Variants in TSC22D2 observed in about 807,000 individuals in gnomAD.
TSC22D2 encodes the protein TSC22 domain family protein 2.
TSC22D2 carries 5 observed loss-of-function variants against 50.1 expected under a neutral mutation model. The ratio of observed to expected loss-of-function variants is 0.10; its 90% CI spans 0.05 to 0.21. The LOEUF (loss-of-function observed/expected upper bound fraction) is 0.21, where lower values mean the gene tolerates loss of function less well. Among genes scored for constraint, TSC22D2 ranks in the 10% least tolerant of loss-of-function variants. The probability of loss-of-function intolerance (pLI) is 1.00; values close to 1 mark genes in which losing one functional copy is unlikely to be tolerated. For missense variants in TSC22D2, 1,003 were observed against 1,015.5 expected (o/e 0.99, Z 0.17); for synonymous variants, 501 against 450.1 (o/e 1.11, Z -1.43).
rs1721546481 is a variant in TSC22D2, at chr3:150,466,405, A to G, written c.*7769A>G. ...TGTTTGTGTAATGACAAATTAATAAATTAGAAATAAAATAAAATAATGTGT... is the reference window on the plus strand; with the variant it reads ...TGTTTGTGTAATGACAAATTAATAAGTTAGAAATAAAATAAAATAATGTGT... On this transcript the variant is annotated 3_prime_UTR_variant, in exon 3 of 3. Coordinates refer to ENST00000688009, the MANE Select transcript of TSC22D2 (RefSeq NM_001303264.2). The G allele has an allele frequency of 6.6e-6, 1 of 152,208 alleles. No homozygotes were observed. Among genetic ancestry groups the G allele is most frequent in the African/African-American group, 2.4e-5 (1 of 41,446 alleles). 9.4% of individuals were successfully genotyped at this position (152,208 alleles called of 1,614,324 possible). A position where few individuals can be genotyped will look rare whatever the true frequency, so the allele number is the denominator to read the frequency against.
rs1721487794 is a variant in TSC22D2 at position 150,463,970 on chromosome 3, G to A, written c.*5334G>A. On this transcript the variant is annotated 3_prime_UTR_variant, in exon 3 of 3. Transcript: ENST00000688009. ...CATTGTCTACTGTCATGGGTCCATAGTATTTAAGTTTACAGACTACAACAT... is the reference window on the plus strand; with the variant it reads ...CATTGTCTACTGTCATGGGTCCATAATATTTAAGTTTACAGACTACAACAT... The A allele has an allele frequency of 6.6e-6, 1 of 152,114 alleles. No homozygotes were observed. The highest frequency in any genetic ancestry group is 6.6e-5 in the Admixed American group (1 of 15,256). The allele number at this position is 152,114 out of a possible 1,614,324, so 9.4% of individuals were successfully genotyped here.
At chr3:150,444,790 G>C (rs182229733) in intron 1 of TSC22D2, among the ~76,000 whole-genome samples, 7 of 152,190 alleles carry the variant, frequency 4.6e-5, no homozygotes, top group Non-Finnish European at 8.8e-5. Flanking sequence ...GTGCCTACTT[G>C]AGTGCAGTTT....
rs1344851427 is a variant in TSC22D2 at position 150,463,528 on chromosome 3, TAC to T, written c.*4893_*4894del. 6.6e-6 allele frequency: 1 copy of T among 152,240 alleles called. No homozygotes were observed. Among genetic ancestry groups the T allele is most frequent in the African/African-American group, 2.4e-5 (1 of 41,456 alleles). 9.4% of individuals were successfully genotyped at this position (152,240 alleles called of 1,614,324 possible). On this transcript the variant is annotated 3_prime_UTR_variant, in exon 3 of 3. Transcript: ENST00000688009. ...GATACATCTTTGTCCTGTATTTCTG[TAC>T]CAGTTCACAGAATTTCTACAGCAAG...
At chr3:150,435,677 C>A (rs1720516078) in intron 1 of TSC22D2, among the ~76,000 whole-genome samples, 1 of 152,108 alleles carries the variant, frequency 6.6e-6, no homozygotes, top group Non-Finnish European at 1.5e-5. Flanking sequence ...TAAGCACATT[C>A]ATTAAAAAAC....
At chr3:150,448,362 C>T (rs934414833) in intron 1 of TSC22D2, among the ~76,000 whole-genome samples, 5 of 151,884 alleles carry the variant, frequency 3.3e-5, no homozygotes, top group African/African-American at 7.3e-5. Flanking sequence ...CCTGTAGTTC[C>T]AGCTGCTTGG....
chr3:150,412,029 T>A (rs969806082), intron 1 of TSC22D2, among the ~76,000 whole-genome samples: 2 of 152,176 alleles, frequency 1.3e-5, no homozygotes, highest in African/African-American at 4.8e-5. Context: ...AAGCTATAGT[T>A]CTTGAAATTA....
chr3:150,432,251 C>T (rs1035020472), intron 1 of TSC22D2, among the ~76,000 whole-genome samples: 20 of 152,122 alleles, frequency 1.3e-4, no homozygotes, highest in African/African-American at 4.8e-4. Flanking sequence ...CATATGTTTA[C>T]CACCTTCCTC....
At chr3:150,429,425 G>A (rs1720307457) in intron 1 of TSC22D2, among the ~76,000 whole-genome samples, 1 of 152,078 alleles carries the variant, frequency 6.6e-6, no homozygotes, top group Admixed American at 6.5e-5. Flanking sequence ...AGAATTTAAG[G>A]TTAACTTCAT....
intron 1 of TSC22D2, among the ~76,000 whole-genome samples, chr3:150,441,533 G>A (rs1720717524): frequency 6.6e-6 from 1 of 152,110 alleles, no homozygotes; most frequent in Admixed American, 6.6e-5. Flanking sequence ...GCTGAGGTGG[G>A]CAGATGACTT....
chr3:150,446,960 C>A (rs868845895), intron 1 of TSC22D2, among the ~76,000 whole-genome samples: 1 of 152,078 alleles, frequency 6.6e-6, no homozygotes, highest in Non-Finnish European at 1.5e-5. Flanking sequence ...GCTATTTTAA[C>A]TAACATTTCT....
In TSC22D2 at chr3:150,459,572, G is replaced by GTTTTTTTTTTTTTTTTTTTTTTT. The variant is rs11330414; in HGVS notation, c.*949_*950insTTTTTTTTTTTTTTTTTTTTTTT. On this transcript the variant is annotated 3_prime_UTR_variant, in exon 3 of 3. Transcript: ENST00000688009. ...TAATGGAGTTTGGTTTTTTTTTGTTGTTTTTTTTTTTTTGTCTTTTTTTTT... is the reference window on the plus strand; with the variant it reads ...TAATGGAGTTTGGTTTTTTTTTGTTGTTTTTTTTTTTTTTTTTTTTTTTTTTTTTTTTTTTTGTCTTTTTTTTT... The GTTTTTTTTTTTTTTTTTTTTTTT allele has an allele frequency of 2.6e-5, 3 of 115,554 alleles. No homozygotes were observed. The highest frequency in any genetic ancestry group is 3.3e-5 in the African/African-American group (1 of 30,666). The allele number at this position is 115,554 out of a possible 1,614,324, so 7.2% of individuals were successfully genotyped here.
intron 1 of TSC22D2, among the ~76,000 whole-genome samples, chr3:150,417,567 G>T (rs1361600228): frequency 3.9e-5 from 6 of 152,096 alleles, no homozygotes; most frequent in Admixed American, 3.9e-4. Context: ...ATTTGACTTT[G>T]AGCTAGTTGG....
intron 1 of TSC22D2, among the ~76,000 whole-genome samples, chr3:150,454,219 T>C (rs572759124): frequency 1.3e-5 from 2 of 152,258 alleles, no homozygotes; most frequent in South Asian, 4.1e-4. Context: ...AGGTCTAAGA[T>C]AGCCAGATGA....
chr3:150,419,309 G>A (rs1198756107), intron 1 of TSC22D2, among the ~76,000 whole-genome samples: 5 of 152,038 alleles, frequency 3.3e-5, no homozygotes, highest in African/African-American at 9.7e-5. Flanking sequence ...AATATTCCCA[G>A]AGTTAGAAGT....
chr3:150,409,534 G>T lies in TSC22D2; in HGVS notation c.184G>T (p.Val62Phe). The part of the protein sequence containing the change: ...SRATDYGPEE[V>F]CERSSSEETL... Reference sequence around the variant, plus strand: ...GGCCACGGATTATGGCCCTGAGGAGGTCTGCGAGCGCAGCTCTTCCGAAGA... The same window carrying T: ...GGCCACGGATTATGGCCCTGAGGAGTTCTGCGAGCGCAGCTCTTCCGAAGA... The change falls in exon 1 of 3, where the codon GTC (valine) becomes TTC (phenylalanine). Residue 62 changes from valine to phenylalanine, a missense_variant. This residue lies in a region of TSC22D2 where 200 missense variants were observed against 182.8 expected (regional missense o/e 1.09). Transcript: ENST00000688009. This position sits in a 1 kb window ranked among gnomAD's most constrained non-coding sequence, Gnocchi z 7.4. 1 of 1,607,334 alleles carries T rather than the reference G, an allele frequency of 6.2e-7. No homozygotes were observed. Among genetic ancestry groups the T allele is most frequent in the Non-Finnish European group, 8.5e-7 (1 of 1,174,796 alleles).
intron 1 of TSC22D2, among the ~76,000 whole-genome samples, chr3:150,434,936 T>A (rs570562150): frequency 6.6e-6 from 1 of 152,238 alleles, no homozygotes; most frequent in South Asian, 2.1e-4. Context: ...ATATGAAGTT[T>A]CTTGTCATTG....
At chr3:150,457,179 ACACTTAGCTT>A (rs1038534078) in intron 2 of TSC22D2, 52 bp downstream of exon 2, 3 of 1,507,348 alleles carry the variant, frequency 2.0e-6, no homozygotes, top group African/African-American at 1.4e-5. Flanking sequence ...GTTGTATGGA[ACACTTAGCTT>A]TTGTCAGTTT....
In TSC22D2 at chr3:150,410,702, C is replaced by T. The variant is rs1576538986; in HGVS notation, c.1352C>T (p.Pro451Leu). 1 of 1,575,160 alleles carries T rather than the reference C, an allele frequency of 6.3e-7. No homozygotes were observed. Among genetic ancestry groups the T allele is most frequent in the Non-Finnish European group, 8.6e-7 (1 of 1,161,970 alleles). The change falls in exon 1 of 3, where the codon CCT becomes CTT. Residue 451 changes from proline (P) to leucine (L), a missense_variant. Pro to Leu is a moderately conservative substitution (Grantham distance 98). Coordinates refer to ENST00000688009, the MANE Select transcript of TSC22D2 (RefSeq NM_001303264.2). Reference sequence around the variant, plus strand: ...CCAGCGCAAGGCGGGCAGGTCGCGCCTTGTCAGCCGACTGGAGTGCCCCCG... The same window carrying T: ...CCAGCGCAAGGCGGGCAGGTCGCGCTTTGTCAGCCGACTGGAGTGCCCCCG... The part of the protein sequence containing the change: ...TGPAQGGQVA[P>L]CQPTGVPPAT...
At position 150,458,588 on chromosome 3, in the gene TSC22D2, T is replaced by A. The variant is rs1396222972; in HGVS notation, c.2223T>A (p.Pro741=). 1 of 1,614,084 alleles carries A rather than the reference T, an allele frequency of 6.2e-7. No individual in the cohort carries two copies. The highest frequency in any genetic ancestry group is 1.1e-5 in the South Asian group (1 of 91,084). ...TSQQQAVIAQ[P]PQPTQPPQQP... ...AACAGCAAGCAGTGATAGCACAGCC[T>A]CCGCAGCCAACGCAACCTCCACAGC... is the stretch of plus-strand genomic sequence containing the variant. The change falls in exon 3 of 3, where the codon CCT becomes CCA. Residue 741 remains proline, a synonymous_variant. Coordinates refer to ENST00000688009, the MANE Select transcript of TSC22D2 (RefSeq NM_001303264.2).
Sources: allele counts gnomAD v4.1 joint callset (sites outside exome capture counted in the v4.1 genomes callset), GRCh38; gene constraint gnomAD v4.1.1; regional missense constraint gnomAD v4.1.1; non-coding constraint Gnocchi (gnomAD v3.1); transcripts MANE v1.5; gene names NCBI Gene and HGNC (gene_info 2026-07-23, HGNC 2026-07-21).